PDE1C: variants seen among roughly 807,000 people sequenced by gnomAD.
PDE1C encodes dual specificity calcium/calmodulin-dependent 3',5'-cyclic nucleotide phosphodiesterase 1C.
Under a neutral mutation model 93.1 loss-of-function variants are expected in PDE1C, and 62 were observed. That is an observed-to-expected ratio of 0.67 (90% CI 0.54 to 0.82). The LOEUF (loss-of-function observed/expected upper bound fraction) is 0.82, where lower values mean the gene tolerates loss of function less well. Ranked by LOEUF, PDE1C falls within the 40% of genes least tolerant of loss-of-function variation. The pLI is 0.00. For missense variants in PDE1C, 742 were observed against 884.6 expected, an observed-to-expected ratio of 0.84 and a Z score of 2.04; for synonymous variants, 325 against 310.1, an observed-to-expected ratio of 1.05 and a Z score of -0.50.
the PDE1C span, among the ~76,000 whole-genome samples, chr7:31,620,878 A>G: frequency 1.3e-5 from 2 of 152,078 alleles, no homozygotes; most frequent in Admixed American, 6.5e-5. Flanking sequence ...AGACGAATGT[A>G]TAACTAGAAT....
At chr7:32,083,223 A>T (rs1455188758) in intron 3 of PDE1C, among the ~76,000 whole-genome samples, 1 of 152,058 alleles carries the variant, frequency 6.6e-6, no homozygotes, top group Non-Finnish European at 1.5e-5. Context: ...TCAGGAGCCA[A>T]TGCGATCAAC....
At chr7:31,810,707 T>C (rs1787438419) in intron 15 of PDE1C, among the ~76,000 whole-genome samples, 4 of 152,100 alleles carry the variant, frequency 2.6e-5, no homozygotes, top group Admixed American at 1.3e-4. Flanking sequence ...AACTCACATC[T>C]GCCACAACCA....
Position 31,962,865 on chromosome 7 carries a change from CA to C in PDE1C, c.129-82006del, listed in dbSNP as rs2129034912. ...TTGCTACATGAGAAGTAAGCAGGAACAATACGAGAACCAAGACAAGCTACAA... is the reference window on the plus strand; with the variant it reads ...TTGCTACATGAGAAGTAAGCAGGAACATACGAGAACCAAGACAAGCTACAA... On this transcript the variant is annotated intron_variant, in intron 2 of 17. Coordinates refer to ENST00000396191, the MANE Select transcript of PDE1C (RefSeq NM_001191057.4). Among the ~76,000 whole-genome samples, 3 of 152,226 alleles carry C rather than the reference CA, an allele frequency of 2.0e-5. No individual in the cohort carries two copies. The South Asian group carries it at 6.2e-4, about 32-fold the overall frequency.
At chr7:31,620,545 G>C in the PDE1C span, among the ~76,000 whole-genome samples, 20 of 151,404 alleles carry the variant, frequency 1.3e-4, no homozygotes, top group East Asian at 3.9e-3. Flanking sequence ...CTGCAGCTGA[G>C]GGTCCTGTCT....
At chr7:32,094,482 C>T (rs964727202) in intron 3 of PDE1C, among the ~76,000 whole-genome samples, 1 of 152,166 alleles carries the variant, frequency 6.6e-6, no homozygotes, top group Admixed American at 6.5e-5. Flanking sequence ...TACTGCTAAA[C>T]AAGTTCACAT....
chr7:32,279,979 G>T (rs1811523015), intron 1 of PDE1C, among the ~76,000 whole-genome samples: 1 of 152,134 alleles, frequency 6.6e-6, no homozygotes, highest in Non-Finnish European at 1.5e-5. Context: ...AAAAAATGTA[G>T]ACTATCACAA....
At chr7:32,013,558 A>T (rs1427471407) in intron 2 of PDE1C, among the ~76,000 whole-genome samples, 1 of 152,218 alleles carries the variant, frequency 6.6e-6, no homozygotes, top group East Asian at 1.9e-4. Flanking sequence ...AGAACTTTTT[A>T]AAAGAGGCAA....
At chr7:31,977,360 G>C (rs76967004) in intron 2 of PDE1C, among the ~76,000 whole-genome samples, 1 of 152,138 alleles carries the variant, frequency 6.6e-6, no homozygotes, top group Non-Finnish European at 1.5e-5. Flanking sequence ...CCAGCCTCCA[G>C]AATCGTGAGC....
chr7:32,186,004 C>CATTT (rs10650146), intron 2 of PDE1C, among the ~76,000 whole-genome samples: 65,627 of 151,560 alleles, frequency 0.43, 15,257 homozygotes, highest in East Asian at 0.76. Context: ...ATTTCTAATT[C>CATTT]GTCTTTGCTT....
intron 16 of PDE1C, chr7:31,808,401 C>A (rs115036212): frequency 9.5e-4 from 221 of 231,922 alleles, no homozygotes; most frequent in African/African-American, 4.9e-3. Flanking sequence ...GTGTTTCAAT[C>A]TTATAGTTCA....
At chr7:31,889,336 T>C (rs1798349619) in intron 2 of PDE1C, among the ~76,000 whole-genome samples, 1 of 152,218 alleles carries the variant, frequency 6.6e-6, no homozygotes, top group South Asian at 2.1e-4. Context: ...GATGTGCATA[T>C]GTATTTTTAT....
the PDE1C span, among the ~76,000 whole-genome samples, chr7:31,691,479 C>A: frequency 6.6e-6 from 1 of 152,156 alleles, no homozygotes; most frequent in Non-Finnish European, 1.5e-5. Flanking sequence ...GATACAGAAT[C>A]TAGCCAGGCT....
chr7:32,393,694 C>T (rs988515529), intron 1 of PDE1C, among the ~76,000 whole-genome samples: 2 of 152,124 alleles, frequency 1.3e-5, no homozygotes, highest in African/African-American at 2.4e-5. Context: ...TAGACCTAGA[C>T]TTTATATAGT....
chr7:32,114,295 C>A (rs1019896646), intron 3 of PDE1C, among the ~76,000 whole-genome samples: 1 of 152,104 alleles, frequency 6.6e-6, no homozygotes, highest in African/African-American at 2.4e-5. Flanking sequence ...CGGAACAGAA[C>A]AGAGGCCTCA....
intron 1 of PDE1C, among the ~76,000 whole-genome samples, chr7:32,366,321 G>A (rs1296812373): frequency 1.3e-5 from 2 of 152,094 alleles, no homozygotes; most frequent in African/African-American, 4.8e-5. Flanking sequence ...CAACAGACTA[G>A]CTCAAGCAAA....
At chr7:31,701,911 C>A in the PDE1C span, among the ~76,000 whole-genome samples, 1 of 152,166 alleles carries the variant, frequency 6.6e-6, no homozygotes, top group Non-Finnish European at 1.5e-5. Context: ...CTTTTATGTG[C>A]AATGGGAAAC....
chr7:31,892,573 T>C (rs570968609), intron 2 of PDE1C, among the ~76,000 whole-genome samples: 3 of 152,326 alleles, frequency 2.0e-5, no homozygotes, highest in African/African-American at 4.8e-5. Flanking sequence ...GGCTTCACTA[T>C]GGCAGGCTGG....
intron 16 of PDE1C, among the ~76,000 whole-genome samples, chr7:31,793,005 C>T (rs116767908): frequency 0.015 from 2,244 of 152,088 alleles, 50 homozygotes; most frequent in African/African-American, 0.05. Flanking sequence ...AACTTTAAAT[C>T]CTGAAGTGCA....
chr7:32,320,086 A>T (rs959721973), intron 1 of PDE1C, among the ~76,000 whole-genome samples: 5 of 152,128 alleles, frequency 3.3e-5, no homozygotes, highest in Non-Finnish European at 5.9e-5. Flanking sequence ...TTAATTTGTC[A>T]CACAGCAGTT....
Sources: allele counts gnomAD v4.1 joint callset (sites outside exome capture counted in the v4.1 genomes callset), GRCh38; gene constraint gnomAD v4.1.1; transcripts MANE v1.5; gene names NCBI Gene and HGNC (gene_info 2026-07-23, HGNC 2026-07-21).